The following COBLL1 variants were observed in gnomAD, a reference collection of about 807,000 sequenced individuals.
COBLL1 encodes cordon-bleu protein-like 1.
In COBLL1, 50 loss-of-function variants were observed where a neutral mutation model predicts 94.8. That is an observed-to-expected ratio of 0.53 (90% CI 0.42 to 0.67). COBLL1 has a LOEUF of 0.67. COBLL1 is among the 30% of genes least tolerant of loss of function. The probability of loss-of-function intolerance (pLI) is 0.00; values close to 1 mark genes in which losing one functional copy is unlikely to be tolerated. For synonymous variants in COBLL1, 448 were observed against 473.8 expected (o/e 0.95, Z 0.71); for missense variants, 1,362 against 1,348.7 (o/e 1.01, Z -0.15).
At chr2:164,688,794 C>T (rs1387243804) in intron 13 of COBLL1, among the ~76,000 whole-genome samples, 1 of 151,994 alleles carries the variant, frequency 6.6e-6, no homozygotes, top group Non-Finnish European at 1.5e-5. Flanking sequence ...TTTTTCCTTC[C>T]CTCCACCTTC....
intron 2 of COBLL1, among the ~76,000 whole-genome samples, chr2:164,762,246 T>A (rs1236846773): frequency 6.6e-6 from 1 of 152,174 alleles, no homozygotes; most frequent in Non-Finnish European, 1.5e-5. Flanking sequence ...TGGCCACAGG[T>A]GACAGTGCCA....
At chr2:164,726,957 C>T in intron 5 of COBLL1, 1 of 369,306 alleles carries the variant, frequency 2.7e-6, no homozygotes, top group Non-Finnish European at 4.9e-6. Context: ...ATACATTTTT[C>T]AAGGAAATAA....
chr2:164,810,185 T>G (rs754563495), intron 2 of COBLL1, among the ~76,000 whole-genome samples: 1 of 151,672 alleles, frequency 6.6e-6, no homozygotes, highest in Non-Finnish European at 1.5e-5. Context: ...CTTTTGATTC[T>G]AGACTATGGA....
intron 13 of COBLL1, 93 bp downstream of exon 13, chr2:164,692,128 T>C: frequency 8.7e-7 from 1 of 1,147,754 alleles, no homozygotes; most frequent in East Asian, 2.6e-5. Context: ...GAACCCTATT[T>C]AGATTTACAT....
At chr2:164,676,383 CAG>C (rs1359708298), downstream of COBLL1, among the ~76,000 whole-genome samples, 2 of 152,118 alleles carry the variant, frequency 1.3e-5, no homozygotes, top group Non-Finnish European at 1.5e-5. Context: ...CCTTTATTTG[CAG>C]AGTCTCAGCT....
intron 2 of COBLL1, among the ~76,000 whole-genome samples, chr2:164,808,803 T>C (rs1464354385): frequency 6.6e-6 from 1 of 152,176 alleles, no homozygotes; most frequent in Non-Finnish European, 1.5e-5. Flanking sequence ...CAGTGTTTTA[T>C]AATCTTTCAT....
At chr2:164,732,202 T>C (rs1036937869) in intron 3 of COBLL1, among the ~76,000 whole-genome samples, 1 of 152,180 alleles carries the variant, frequency 6.6e-6, no homozygotes, top group African/African-American at 2.4e-5. Context: ...TTAAAAAAAA[T>C]TCTCAGGAAT....
intron 2 of COBLL1, among the ~76,000 whole-genome samples, chr2:164,804,130 C>T (rs1241577733): frequency 6.9e-6 from 1 of 144,578 alleles, no homozygotes; most frequent in South Asian, 2.2e-4. Flanking sequence ...AAAAAAAGGA[C>T]ATGTTTTAAG....
intron 2 of COBLL1, among the ~76,000 whole-genome samples, chr2:164,798,191 C>G (rs1156727340): frequency 2.0e-5 from 3 of 152,204 alleles, no homozygotes; most frequent in African/African-American, 7.2e-5. Flanking sequence ...ATCTAAGGCT[C>G]TTATGTAAAT....
downstream of COBLL1, among the ~76,000 whole-genome samples, chr2:164,678,190 G>C (rs988759205): frequency 2.0e-5 from 3 of 152,082 alleles, no homozygotes. Context: ...TTTTCTTCAA[G>C]ATATAAAGGC....
At chr2:164,719,659 G>A (rs1033469859) in intron 7 of COBLL1, among the ~76,000 whole-genome samples, 1 of 152,028 alleles carries the variant, frequency 6.6e-6, no homozygotes, top group African/African-American at 2.4e-5. Flanking sequence ...CTGGATTTGA[G>A]CCCACCTCAA....
At chr2:164,696,850 A>C (rs551318171) in intron 11 of COBLL1, 4 of 152,200 alleles carry the variant, frequency 2.6e-5, no homozygotes, top group Non-Finnish European at 5.9e-5. Flanking sequence ...CTGCACCATC[A>C]CTGTGCTTAT....
chr2:164,807,312 G>C (rs566881761), intron 2 of COBLL1, among the ~76,000 whole-genome samples: 15 of 151,696 alleles, frequency 9.9e-5, no homozygotes, highest in Non-Finnish European at 2.1e-4. Context: ...AATTAGTCAG[G>C]CACGGCAGTG....
At chr2:164,704,714 C>A (rs1212049099) in intron 8 of COBLL1, among the ~76,000 whole-genome samples, 196 bp from the exon 9 acceptor site, 1 of 152,214 alleles carries the variant, frequency 6.6e-6, no homozygotes, top group Non-Finnish European at 1.5e-5. Flanking sequence ...CAGCATCTTT[C>A]TGAATAAATT....
intron 12 of COBLL1, among the ~76,000 whole-genome samples, chr2:164,693,170 T>C (rs545694652): frequency 1.3e-5 from 2 of 152,306 alleles, no homozygotes; most frequent in South Asian, 4.1e-4. Context: ...CTTTATTATC[T>C]AAACCAAGCT....
At chr2:164,798,172 T>C (rs1683568032) in intron 2 of COBLL1, among the ~76,000 whole-genome samples, 1 of 152,224 alleles carries the variant, frequency 6.6e-6, no homozygotes, top group Admixed American at 6.5e-5. Flanking sequence ...AGCAGTGAAT[T>C]TTAAAAAAAT....
intron 2 of COBLL1, among the ~76,000 whole-genome samples, chr2:164,829,817 T>C (rs1682979176): frequency 6.6e-6 from 1 of 152,204 alleles, no homozygotes; most frequent in African/African-American, 2.4e-5. Context: ...GAAAACTATT[T>C]AATTAGCAGT....
chr2:164,703,853 T>C (rs1684445459), intron 9 of COBLL1, among the ~76,000 whole-genome samples: 1 of 152,212 alleles, frequency 6.6e-6, no homozygotes, highest in African/African-American at 2.4e-5. Context: ...ATTTTTATCA[T>C]ACTTCTTAGA....
chr2:164,668,150 G>A (rs896966707), intron 1 of COBLL1, among the ~76,000 whole-genome samples: 3 of 152,050 alleles, frequency 2.0e-5, no homozygotes, highest in Admixed American at 1.3e-4. Flanking sequence ...TTTTTGTAGA[G>A]GTGGGGTTTC....
Sources: gnomAD v4.1 joint callset for allele counts (sites outside exome capture counted in the v4.1 genomes callset) on GRCh38, gnomAD v4.1.1 for gene constraint, MANE v1.5 for transcripts, NCBI Gene and HGNC (gene_info 2026-07-23, HGNC 2026-07-21) for gene names.